The following IGFL2 variants were observed in gnomAD, a reference collection of about 807,000 sequenced individuals.
The protein encoded by IGFL2 is IGF like family member 2.
A neutral mutation model predicts 13.9 loss-of-function variants in IGFL2; 7 were observed. That is an observed-to-expected ratio of 0.51 (90% CI 0.29 to 0.95). The LOEUF (loss-of-function observed/expected upper bound fraction) is 0.95. IGFL2 is among the 40% of genes least tolerant of loss of function. The pLI is 0.08. For synonymous variants in IGFL2, 55 were observed against 55.8 expected (o/e 0.99, Z 0.07); for missense variants, 138 against 147.8 (o/e 0.93, Z 0.34).
At chr19:46,170,058 T>G in the IGFL2 span, among the ~76,000 whole-genome samples, 1 of 152,078 alleles carries the variant, frequency 6.6e-6, no homozygotes, top group African/African-American at 2.4e-5. Flanking sequence ...TCTGGGTGGC[T>G]AGAAGGGGGA....
chr19:46,124,812 A>G, the IGFL2 span: 1 of 668,800 alleles, frequency 1.5e-6, no homozygotes, highest in Non-Finnish European at 2.7e-6. Flanking sequence ...GAAGATAACC[A>G]AAGTCTCCCA....
chr19:46,180,193 T>G, the IGFL2 span, among the ~76,000 whole-genome samples: 2 of 151,558 alleles, frequency 1.3e-5, no homozygotes, highest in African/African-American at 2.4e-5. Flanking sequence ...TTTTTTTTTT[T>G]TCTGAGACAG....
chr19:46,143,426 A>G (rs1972951205), upstream of IGFL2, among the ~76,000 whole-genome samples: 1 of 146,972 alleles, frequency 6.8e-6, no homozygotes, highest in African/African-American at 2.5e-5. Context: ...TTGAGACAAG[A>G]GTCTCACTCT....
the IGFL2 span, among the ~76,000 whole-genome samples, chr19:46,096,033 C>G: frequency 6.6e-6 from 1 of 152,024 alleles, no homozygotes; most frequent in African/African-American, 2.4e-5. Context: ...AATTTTAAAG[C>G]AGTTTTTTTC....
chr19:46,112,609 A>G, the IGFL2 span, among the ~76,000 whole-genome samples: 1 of 152,230 alleles, frequency 6.6e-6, no homozygotes, highest in Non-Finnish European at 1.5e-5. Flanking sequence ...GACATGGATG[A>G]GTGGCTGAAT....
the IGFL2 span, among the ~76,000 whole-genome samples, chr19:46,185,642 T>C: frequency 6.6e-6 from 1 of 152,230 alleles, no homozygotes; most frequent in Non-Finnish European, 1.5e-5. Context: ...AAGAGAAGCC[T>C]GTTTATTCCT....
At chr19:46,188,275 G>C in the IGFL2 span, among the ~76,000 whole-genome samples, 261 of 152,218 alleles carry the variant, frequency 1.7e-3, 1 homozygote, top group African/African-American at 5.9e-3. Flanking sequence ...CAGGGTTAGT[G>C]GGGGGCCCAG....
At chr19:46,084,370 G>T in the IGFL2 span, among the ~76,000 whole-genome samples, 2 of 152,150 alleles carry the variant, frequency 1.3e-5, no homozygotes, top group Non-Finnish European at 2.9e-5. Flanking sequence ...TGGTTGATCT[G>T]TCCATTGCTG....
chr19:46,175,410 T>C, the IGFL2 span, among the ~76,000 whole-genome samples: 9 of 152,284 alleles, frequency 5.9e-5, no homozygotes, highest in Admixed American at 4.6e-4. Context: ...CACTCTACAA[T>C]GCCTCCATGC....
chr19:46,205,688 A>G, the IGFL2 span, among the ~76,000 whole-genome samples: 1,139 of 151,988 alleles, frequency 7.5e-3, 4 homozygotes, highest in Non-Finnish European at 0.014. Context: ...GTGTCCATGT[A>G]CTCGATTTTC....
upstream of IGFL2, among the ~76,000 whole-genome samples, chr19:46,146,297 C>T (rs777831564): frequency 2.6e-5 from 4 of 152,042 alleles, no homozygotes; most frequent in Non-Finnish European, 5.9e-5. Context: ...CTATTCTGTT[C>T]CTTTGATCTA....
chr19:46,108,642 T>C, the IGFL2 span, among the ~76,000 whole-genome samples: 2 of 151,752 alleles, frequency 1.3e-5, no homozygotes, highest in African/African-American at 2.4e-5. Flanking sequence ...GGGGAGGTGG[T>C]GCTTGCCACC....
At chr19:46,204,140 T>C in the IGFL2 span, 25 of 152,324 alleles carry the variant, frequency 1.6e-4, no homozygotes, top group African/African-American at 5.3e-4. Flanking sequence ...GCCCTTTCCG[T>C]GCTTGTTCCA....
At chr19:46,178,867 A>G in the IGFL2 span, among the ~76,000 whole-genome samples, 1 of 151,918 alleles carries the variant, frequency 6.6e-6, no homozygotes, top group Non-Finnish European at 1.5e-5. Context: ...CCAAGCTGTA[A>G]CCTGACCAAC....
the IGFL2 span, among the ~76,000 whole-genome samples, chr19:46,084,090 T>A: frequency 6.6e-6 from 1 of 152,248 alleles, no homozygotes; most frequent in Non-Finnish European, 1.5e-5. Context: ...TCCCATGTCT[T>A]TGTACTGTTT....
chr19:46,132,145 G>C, the IGFL2 span, among the ~76,000 whole-genome samples: 5 of 152,168 alleles, frequency 3.3e-5, no homozygotes, highest in Non-Finnish European at 7.4e-5. Context: ...CACACACACA[G>C]AGAAAGTCCA....
chr19:46,084,496 A>C, the IGFL2 span, among the ~76,000 whole-genome samples: 3 of 152,178 alleles, frequency 2.0e-5, no homozygotes. Context: ...ACATTGCCAT[A>C]AAGAAATAGC....
At chr19:46,166,844 A>C in the IGFL2 span, among the ~76,000 whole-genome samples, 233 of 152,352 alleles carry the variant, frequency 1.5e-3, 3 homozygotes, top group African/African-American at 5.3e-3. Context: ...GTTTAAGGTT[A>C]TCTCTCTTAT....
At chr19:46,184,995 C>G in the IGFL2 span, among the ~76,000 whole-genome samples, 2 of 152,156 alleles carry the variant, frequency 1.3e-5, no homozygotes, top group African/African-American at 4.8e-5. Flanking sequence ...TCTCTGATGA[C>G]TAGTGATGAT....
Sources: allele counts gnomAD v4.1 joint callset (sites outside exome capture counted in the v4.1 genomes callset), GRCh38; gene constraint gnomAD v4.1.1; transcripts MANE v1.5; gene names NCBI Gene and HGNC (gene_info 2026-07-23, HGNC 2026-07-21).